Variants in RGS6 observed in about 807,000 individuals in gnomAD.
RGS6 encodes regulator of G-protein signaling 6.
Under a neutral mutation model 78.5 loss-of-function variants are expected in RGS6, and 30 were observed. That is an observed-to-expected ratio of 0.38 (90% CI 0.29 to 0.52). The LOEUF is 0.52. Ranked by LOEUF, RGS6 falls within the 20% of genes least tolerant of loss-of-function variation. The pLI is 0.85. For synonymous variants in RGS6, 206 were observed against 206.0 expected (o/e 1.00, Z 0.00); for missense variants, 495 against 609.7 (o/e 0.81, Z 1.98).
At chr14:72,090,329 C>T (rs1674146434) in intron 2 of RGS6, among the ~76,000 whole-genome samples, 1 of 152,128 alleles carries the variant, frequency 6.6e-6, no homozygotes, top group Non-Finnish European at 1.5e-5. Context: ...AGTGGCACAG[C>T]CGGAGGTGAG....
intron 2 of RGS6, among the ~76,000 whole-genome samples, chr14:71,981,891 G>C (rs1264975378): frequency 6.7e-6 from 1 of 148,430 alleles, no homozygotes; most frequent in Non-Finnish European, 1.5e-5. Flanking sequence ...CAGCCTCGTT[G>C]CCGCCTTGCA....
In RGS6 at chr14:72,363,999, T is replaced by TAAAAAAAA. The variant is rs55943058; in HGVS notation, c.184+11825_184+11832dup. On this transcript the variant is annotated intron_variant, in intron 3 of 17. Transcript: ENST00000553525. The stretch of plus-strand genomic sequence containing the variant: ...ACCATCACTTGTCAGTGGACAAGGC[T>TAAAAAAAA]AAAAAAAAAAAAAAAAAAAAAAAAA... 6.1e-3 allele frequency among the ~76,000 whole-genome samples: 287 copies of TAAAAAAAA among 46,788 alleles called. 65 individuals carry two copies. Among genetic ancestry groups the TAAAAAAAA allele is most frequent in the African/African-American group, 0.017 (251 of 15,202 alleles). 30.7% of individuals were successfully genotyped at this position (46,788 alleles called of 152,430 possible).
intron 15 of RGS6, among the ~76,000 whole-genome samples, chr14:72,527,175 C>G (rs1216292890): frequency 6.6e-6 from 1 of 152,222 alleles, no homozygotes; most frequent in Non-Finnish European, 1.5e-5. Context: ...CCATTGCTAA[C>G]AGCAGTGATA....
chr14:71,923,195 G>A, the RGS6 span, among the ~76,000 whole-genome samples: 2 of 152,338 alleles, frequency 1.3e-5, no homozygotes, highest in South Asian at 2.1e-4. Flanking sequence ...GGGATTAGGT[G>A]TTCTCTGAGT....
intron 2 of RGS6, among the ~76,000 whole-genome samples, chr14:72,154,292 C>G (rs952834284): frequency 6.6e-6 from 1 of 152,178 alleles, no homozygotes; most frequent in Non-Finnish European, 1.5e-5. Context: ...TTCAAACACA[C>G]GTTTTACAAT....
intron 2 of RGS6, among the ~76,000 whole-genome samples, chr14:72,222,709 A>G (rs543767247): frequency 6.6e-6 from 1 of 152,364 alleles, no homozygotes; most frequent in South Asian, 2.1e-4. Flanking sequence ...TTTATTGAGT[A>G]CAATAAGATG....
chr14:71,928,799 GAACA>G (rs2087757625), upstream of RGS6, among the ~76,000 whole-genome samples: 1 of 152,136 alleles, frequency 6.6e-6, no homozygotes, highest in African/African-American at 2.4e-5. Flanking sequence ...CTGAATGAAT[GAACA>G]AAGTATTGGG....
chr14:72,037,919 G>C lies in RGS6; in HGVS notation c.84+73044G>C, dbSNP rs189987453. Among the ~76,000 whole-genome samples the C allele has an allele frequency of 4.0e-4, 61 of 151,738 alleles. No individual in the cohort carries two copies. In the East Asian group the frequency reaches 0.01, roughly 25 times the overall value. The stretch of plus-strand genomic sequence containing the variant: ...TATTTCTGGAAGTCTATTCTATGCT[G>C]TTGATCTACATGTTTATCTTTTTGC... On this transcript the variant is annotated intron_variant, in intron 2 of 17. Coordinates refer to ENST00000553525, the MANE Select transcript of RGS6 (RefSeq NM_001204424.2).
intron 2 of RGS6, among the ~76,000 whole-genome samples, chr14:72,333,352 C>G (rs1438483150): frequency 5.3e-5 from 8 of 152,166 alleles, no homozygotes; most frequent in Non-Finnish European, 1.2e-4. Flanking sequence ...GCCTGAGTCA[C>G]TGGGCAGGAC....
In RGS6 at chr14:72,242,810, T is replaced by C. The variant is rs923681790; in HGVS notation, c.85-109285T>C. ...AAAATTTTTTAAACATATCTCTTGA[T>C]ACAGTATTTTTCCAACTTCATTTCT... On this transcript the variant is annotated intron_variant, in intron 2 of 17. Transcript: ENST00000553525. 2.0e-5 allele frequency among the ~76,000 whole-genome samples: 3 copies of C among 151,518 alleles called. No homozygotes were observed. In the South Asian group the frequency reaches 6.2e-4, roughly 32 times the overall value.
chr14:72,133,886 C>T (rs2096381715), intron 2 of RGS6, among the ~76,000 whole-genome samples: 1 of 152,064 alleles, frequency 6.6e-6, no homozygotes, highest in Admixed American at 6.6e-5. Flanking sequence ...CTTTCATATC[C>T]AGTCTTTCAC....
At chr14:72,567,070 G>C (rs73302587), downstream of RGS6, among the ~76,000 whole-genome samples, 4 of 152,190 alleles carry the variant, frequency 2.6e-5, no homozygotes, top group African/African-American at 9.7e-5. Context: ...GGCAGTGCTA[G>C]TGTACTGCAA....
At chr14:71,940,577 C>T (rs2090365719) in intron 1 of RGS6, among the ~76,000 whole-genome samples, 1 of 152,184 alleles carries the variant, frequency 6.6e-6, no homozygotes, top group South Asian at 2.1e-4. Context: ...ATTCTGATTG[C>T]CACTTTGCCT....
At chr14:72,452,162 G>A (rs2095510529) in intron 3 of RGS6, among the ~76,000 whole-genome samples, 1 of 151,970 alleles carries the variant, frequency 6.6e-6, no homozygotes, top group Non-Finnish European at 1.5e-5. Context: ...TGGGACAAAT[G>A]TTGAACTTGT....
At chr14:71,925,635 C>T in the RGS6 span, among the ~76,000 whole-genome samples, 4 of 149,854 alleles carry the variant, frequency 2.7e-5, no homozygotes, top group Middle Eastern at 3.4e-3. Flanking sequence ...ATCCAGTTTT[C>T]CCAGTACCAT....
intron 2 of RGS6, among the ~76,000 whole-genome samples, chr14:72,065,160 A>C (rs929536255): frequency 2.0e-5 from 3 of 152,226 alleles, no homozygotes; most frequent in Non-Finnish European, 4.4e-5. Context: ...TTAAATATAC[A>C]ACTGGCAGAC....
At chr14:71,894,019 A>T in the RGS6 span, among the ~76,000 whole-genome samples, 3 of 152,156 alleles carry the variant, frequency 2.0e-5, no homozygotes, top group African/African-American at 7.2e-5. Flanking sequence ...AAGAATTTAG[A>T]AATTTTTCAT....
chr14:71,914,399 C>T, the RGS6 span, among the ~76,000 whole-genome samples: 1 of 152,194 alleles, frequency 6.6e-6, no homozygotes, highest in African/African-American at 2.4e-5. Flanking sequence ...ACACCAATGA[C>T]CAACTCCAAG....
At chr14:72,264,749 G>A (rs2058751254) in intron 2 of RGS6, among the ~76,000 whole-genome samples, 1 of 152,182 alleles carries the variant, frequency 6.6e-6, no homozygotes, top group African/African-American at 2.4e-5. Flanking sequence ...TTGCAATCCT[G>A]GGTCTCTCCC....
Sources: allele counts gnomAD v4.1 joint callset (sites outside exome capture counted in the v4.1 genomes callset), GRCh38; gene constraint gnomAD v4.1.1; transcripts MANE v1.5; gene names NCBI Gene and HGNC (gene_info 2026-07-23, HGNC 2026-07-21).